Variants in SLC9C2 observed in about 807,000 individuals in gnomAD.
SLC9C2 encodes sodium/hydrogen exchanger 11.
A neutral mutation model predicts 140.2 loss-of-function variants in SLC9C2; 75 were observed. The observed-to-expected ratio is 0.53, with a 90% CI of 0.44 to 0.65. The LOEUF is 0.65. SLC9C2 is among the 30% of genes least tolerant of loss of function. The pLI is 0.00. For synonymous variants in SLC9C2, 375 were observed against 420.9 expected, an observed-to-expected ratio of 0.89 and a Z score of 1.34; for missense variants, 1,074 against 1,331.8, an observed-to-expected ratio of 0.81 and a Z score of 3.01.
chr1:173,513,285 T>C (rs1056815290), intron 23 of SLC9C2, among the ~76,000 whole-genome samples: 1 of 150,838 alleles, frequency 6.6e-6, no homozygotes, highest in Non-Finnish European at 1.5e-5. Flanking sequence ...TGTGAATCTA[T>C]CTGGTCCTGG....
At chr1:173,501,206 T>A in intron 27 of SLC9C2, 109 bp from the exon 28 acceptor site, 1 of 1,108,648 alleles carries the variant, frequency 9.0e-7, no homozygotes, top group Non-Finnish European at 1.2e-6. Context: ...TATTTTATTA[T>A]CTGAAACATT....
At chr1:173,509,124 A>G (rs1659858319) in intron 24 of SLC9C2, among the ~76,000 whole-genome samples, 1 of 152,132 alleles carries the variant, frequency 6.6e-6, no homozygotes, top group Non-Finnish European at 1.5e-5. Context: ...GAGAGCAGTT[A>G]AAATTCTAGC....
chr1:173,578,122 C>T lies in SLC9C2; in HGVS notation c.803-1362G>A, dbSNP rs548769112. On this transcript the variant is annotated intron_variant, in intron 7 of 27. Transcript: ENST00000367714. ...CTTCTACTTTTTATTATCTCCATTC[C>T]CCCAAAATTCTAAACACTGTCACTT... Among the ~76,000 whole-genome samples the T allele has an allele frequency of 1.1e-3, 165 of 152,270 alleles. 2 individuals are homozygous for T. Among genetic ancestry groups the T allele is most frequent in the African/African-American group, 3.7e-3 (152 of 41,568 alleles).
chr1:173,561,143 T>A (rs1438544787), intron 9 of SLC9C2, among the ~76,000 whole-genome samples: 1 of 152,224 alleles, frequency 6.6e-6, no homozygotes, highest in South Asian at 2.1e-4. Context: ...TCTTTCCTTA[T>A]GTTATAGTTA....
At chr1:173,510,663 T>A (rs561048465) in intron 23 of SLC9C2, among the ~76,000 whole-genome samples, 2 of 152,332 alleles carry the variant, frequency 1.3e-5, no homozygotes, top group Admixed American at 1.3e-4. Context: ...AAGGACATGT[T>A]CTCATTCCTT....
At chr1:173,547,340 G>A (rs142190610) in intron 13 of SLC9C2, among the ~76,000 whole-genome samples, 34 of 151,052 alleles carry the variant, frequency 2.3e-4, no homozygotes, top group East Asian at 3.9e-4. Flanking sequence ...AGAGAATTTC[G>A]TATAAATGGA....
chr1:173,581,227 T>C (rs1388023721), intron 7 of SLC9C2, among the ~76,000 whole-genome samples: 1 of 152,200 alleles, frequency 6.6e-6, no homozygotes, highest in African/African-American at 2.4e-5. Context: ...CCACAGTTAC[T>C]ACGTCTCTTA....
intron 21 of SLC9C2, 102 bp downstream of exon 21, chr1:173,523,867 G>T (rs548282645): frequency 6.9e-7 from 1 of 1,452,502 alleles, no homozygotes; most frequent in Non-Finnish European, 9.2e-7. Flanking sequence ...CCCTGAATTG[G>T]CCAGTATGTG....
At chr1:173,585,989 A>G (rs1020536227) in intron 5 of SLC9C2, among the ~76,000 whole-genome samples, 1 of 152,142 alleles carries the variant, frequency 6.6e-6, no homozygotes. Context: ...AAATAAAAAA[A>G]AAGAAGACTT....
chr1:173,574,503 T>A (rs1209466991), intron 8 of SLC9C2, among the ~76,000 whole-genome samples: 2 of 135,384 alleles, frequency 1.5e-5, no homozygotes, highest in African/African-American at 6.4e-5. Context: ...CTGAGTTAAG[T>A]ACTTTTTTTT....
At chr1:173,592,756 TG>T (rs1666238130) in intron 4 of SLC9C2, among the ~76,000 whole-genome samples, 1 of 152,190 alleles carries the variant, frequency 6.6e-6, no homozygotes. Flanking sequence ...GATTTGGGGC[TG>T]AGATTATGGG....
intron 9 of SLC9C2, among the ~76,000 whole-genome samples, chr1:173,566,475 C>T (rs1156983660): frequency 1.3e-5 from 2 of 151,902 alleles, no homozygotes; most frequent in African/African-American, 2.4e-5. Context: ...CATATAGTTG[C>T]TTATGGTAAC....
At chr1:173,513,522 T>G (rs1249514706) in intron 23 of SLC9C2, among the ~76,000 whole-genome samples, 1 of 152,220 alleles carries the variant, frequency 6.6e-6, no homozygotes, top group African/African-American at 2.4e-5. Flanking sequence ...TATCATTTTT[T>G]ATTGTATCCA....
chr1:173,534,039 T>C (rs1661775879), intron 16 of SLC9C2, among the ~76,000 whole-genome samples: 1 of 152,120 alleles, frequency 6.6e-6, no homozygotes, highest in Admixed American at 6.5e-5. Flanking sequence ...AAAATAGCAA[T>C]AAACAGATTC....
At chr1:173,510,969 T>G (rs1174566177) in intron 23 of SLC9C2, among the ~76,000 whole-genome samples, 1 of 151,968 alleles carries the variant, frequency 6.6e-6, no homozygotes, top group Admixed American at 6.6e-5. Flanking sequence ...GAAAGTGTTC[T>G]TAGTTCTCCA....
chr1:173,583,644 G>A (rs12032386), intron 5 of SLC9C2, 22 bp from the exon 6 acceptor site: 362,837 of 1,214,160 alleles, frequency 0.3, 64,811 homozygotes, highest in East Asian at 0.68. Flanking sequence ...AATACAAAAT[G>A]TAACTCAATA....
Position 173,580,500 on chromosome 1 carries a change from C to T in SLC9C2, c.802+1347G>A, listed in dbSNP as rs142296372. Reference sequence around the variant, plus strand: ...CCCAGTGGCTGGAATTACAGGCGTGCGCCAGCACACCTGGCTAATTTTTTG... The same window carrying T: ...CCCAGTGGCTGGAATTACAGGCGTGTGCCAGCACACCTGGCTAATTTTTTG... On this transcript the variant is annotated intron_variant, in intron 7 of 27. Coordinates refer to ENST00000367714, the MANE Select transcript of SLC9C2 (RefSeq NM_178527.4). 2.5e-4 allele frequency among the ~76,000 whole-genome samples: 38 copies of T among 152,104 alleles called. No individual in the cohort carries two copies. In the East Asian group the frequency reaches 5.0e-3, roughly 20 times the overall value.
rs1351284968 is a variant in SLC9C2, at chr1:173,524,868, G to A, written c.2425C>T (p.Arg809Trp). ...VIALKTKQAI[R>W]NVIAKALKNL... ...TTTAGAGCTTTAGCAATCACATTCC[G>A]GATTGCCTGTTTAGTCTTCAAAGCA... The change falls in exon 20 of 28, where the codon CGG becomes TGG. Residue 809 changes from arginine to tryptophan, a missense_variant. By Grantham distance (101) the Arg-to-Trp change is moderately radical (BLOSUM62 -3). Transcript: ENST00000367714. The A allele has an allele frequency of 6.2e-6, 10 of 1,613,834 alleles. No individual in the cohort carries two copies. The highest frequency in any genetic ancestry group is 2.7e-5 in the African/African-American group (2 of 74,866).
At chr1:173,531,076 T>G (rs957233112) in intron 17 of SLC9C2, among the ~76,000 whole-genome samples, 1 of 152,204 alleles carries the variant, frequency 6.6e-6, no homozygotes, top group African/African-American at 2.4e-5. Flanking sequence ...TTGTTTTTTT[T>G]GAAAGCCACA....
Sources: gnomAD v4.1 joint callset for allele counts (sites outside exome capture counted in the v4.1 genomes callset) on GRCh38, gnomAD v4.1.1 for gene constraint, MANE v1.5 for transcripts, NCBI Gene and HGNC (gene_info 2026-07-23, HGNC 2026-07-21) for gene names.